Variants in RIMKLA observed in about 807,000 individuals in gnomAD.
RIMKLA encodes N-acetylaspartylglutamate synthase A.
In RIMKLA, 14 loss-of-function variants were observed where a neutral mutation model predicts 32.7. That is an observed-to-expected ratio of 0.43 (90% CI 0.28 to 0.67). RIMKLA has a LOEUF of 0.67. Ranked by LOEUF, RIMKLA falls within the 30% of genes least tolerant of loss-of-function variation. The probability of loss-of-function intolerance (pLI) is 0.18; values close to 1 mark genes in which losing one functional copy is unlikely to be tolerated. For synonymous variants in RIMKLA, 176 were observed against 204.1 expected, an observed-to-expected ratio of 0.86 and a Z score of 1.18; for missense variants, 410 against 519.0, an observed-to-expected ratio of 0.79 and a Z score of 2.04.
At chr1:42,395,642 T>C (rs1643036954) in intron 1 of RIMKLA, among the ~76,000 whole-genome samples, 1 of 152,142 alleles carries the variant, frequency 6.6e-6, no homozygotes, top group South Asian at 2.1e-4. Context: ...TGACTTGAGG[T>C]CCGTAGATTG....
Position 42,416,728 on chromosome 1 carries a change from T to C in RIMKLA, c.*1754T>C, listed in dbSNP as rs1439565307. On this transcript the variant is annotated 3_prime_UTR_variant, in exon 5 of 5. Transcript: ENST00000431473. ...CTTACTCTGCCATAAATGTAAAATG[T>C]GTATAAAGTTAAGCTATTGCATTTT... The C allele has an allele frequency of 1.3e-5, 2 of 152,242 alleles. No homozygotes were observed. The highest frequency in any genetic ancestry group is 2.4e-5 in the African/African-American group (1 of 41,460). The allele number at this position is 152,242 out of a possible 1,614,324, so 9.4% of individuals were successfully genotyped here. A position where few individuals can be genotyped will look rare whatever the true frequency, so the allele number is the denominator to read the frequency against.
intron 2 of RIMKLA, among the ~76,000 whole-genome samples, chr1:42,401,706 T>G (rs764728374): frequency 1.3e-5 from 2 of 152,038 alleles, no homozygotes; most frequent in African/African-American, 4.8e-5. Context: ...AATGGGAAGT[T>G]AGGAAATGGA....
In RIMKLA at chr1:42,404,589, G is replaced by A; in HGVS notation, c.473G>A (p.Gly158Asp). The A allele has an allele frequency of 6.2e-7, 1 of 1,610,138 alleles. No homozygotes were observed. The highest frequency in any genetic ancestry group is 1.3e-5 in the African/African-American group (1 of 74,956). The stretch of plus-strand genomic sequence containing the variant: ...CCAGTCGTGGTGAAGAGCACACGAG[G>A]CCACCGGGGTCAGTGCCACCTCTCC... Reference protein sequence around the residue: ...GYPVVVKSTRGHRGKAVFLAR... With the variant: ...GYPVVVKSTRDHRGKAVFLAR... Residue 158 changes from glycine (G) to aspartate (D), a missense_variant, in exon 3 of 5, where the codon GGC (glycine) becomes GAC (aspartate). Physicochemically the swap from Gly to Asp is moderately conservative, Grantham distance 94. Transcript: ENST00000431473.
At chr1:42,389,115 G>C (rs150087996) in intron 1 of RIMKLA, among the ~76,000 whole-genome samples, 1 of 152,304 alleles carries the variant, frequency 6.6e-6, no homozygotes, top group Non-Finnish European at 1.5e-5. Context: ...CAAAGTTTTT[G>C]GCCTGAGCAG....
At position 42,414,742 on chromosome 1, in the gene RIMKLA, C is replaced by T. The variant is rs1643230599; in HGVS notation, c.944C>T (p.Pro315Leu). ...NRQTGKMAVL[P>L]GLSSPREKNE... is the part of the protein sequence containing the mutation. ...CAGACTGGAAAGATGGCTGTCCTCC[C>T]AGGACTGTCGAGTCCAAGGGAGAAG... The change falls in exon 5 of 5, where the codon CCA becomes CTA. Residue 315 changes from proline to leucine, a missense_variant. Coordinates refer to ENST00000431473, the MANE Select transcript of RIMKLA (RefSeq NM_173642.4). 1 of 1,614,088 alleles carries T rather than the reference C, an allele frequency of 6.2e-7. No homozygotes were observed. Among genetic ancestry groups the T allele is most frequent in the Admixed American group, 1.7e-5 (1 of 60,010 alleles).
At chr1:42,399,371 G>A (rs1295627997) in intron 1 of RIMKLA, 33 bp from the exon 2 acceptor site, 4 of 1,452,546 alleles carry the variant, frequency 2.8e-6, no homozygotes, top group Non-Finnish European at 3.8e-6. Flanking sequence ...AACGATAGCA[G>A]GCACAGCACT....
chr1:42,381,153 G>C (rs1368024003), intron 1 of RIMKLA, 56 bp downstream of exon 1: 1 of 1,218,798 alleles, frequency 8.2e-7, no homozygotes, highest in African/African-American at 1.6e-5. Context: ...CACGAGAGCC[G>C]GTCGGGTGGG....
At chr1:42,394,798 G>A (rs1309899549) in intron 1 of RIMKLA, among the ~76,000 whole-genome samples, 3 of 151,548 alleles carry the variant, frequency 2.0e-5, no homozygotes, top group East Asian at 1.9e-4. Flanking sequence ...GTGCAATGAC[G>A]CGATCTCAGC....
At chr1:42,413,487 G>A (rs1295020137) in intron 4 of RIMKLA, among the ~76,000 whole-genome samples, 1 of 130,058 alleles carries the variant, frequency 7.7e-6, no homozygotes, top group Non-Finnish European at 1.6e-5. Context: ...CTAGGTGACA[G>A]AGTAAGAGTC....
chr1:42,394,237 T>G (rs1405570615), intron 1 of RIMKLA, among the ~76,000 whole-genome samples: 3 of 152,240 alleles, frequency 2.0e-5, no homozygotes, highest in African/African-American at 7.2e-5. Context: ...TCCTGCTGTT[T>G]TCTTAATTTT....
At chr1:42,382,197 AT>A (rs1642895345) in intron 1 of RIMKLA, among the ~76,000 whole-genome samples, 1 of 152,174 alleles carries the variant, frequency 6.6e-6, no homozygotes, top group African/African-American at 2.4e-5. Context: ...TTAATATCAG[AT>A]TGTATATCCT....
intron 1 of RIMKLA, among the ~76,000 whole-genome samples, chr1:42,383,032 A>ATTTT (rs1349958822): frequency 3.4e-5 from 5 of 146,454 alleles, no homozygotes; most frequent in African/African-American, 1.3e-4. Flanking sequence ...TTTAATTTTT[A>ATTTT]TTTTATTTAT....
At chr1:42,398,045 G>A (rs987636304) in intron 1 of RIMKLA, among the ~76,000 whole-genome samples, 1 of 152,146 alleles carries the variant, frequency 6.6e-6, no homozygotes, top group African/African-American at 2.4e-5. Flanking sequence ...GAGTGGAAAA[G>A]TATCCATTTT....
chr1:42,385,895 T>TTTCTTTCTTTCC (rs1557750118), intron 1 of RIMKLA, among the ~76,000 whole-genome samples: 1 of 93,942 alleles, frequency 1.1e-5, no homozygotes, highest in African/African-American at 3.8e-5. Context: ...TCTTTCTTTC[T>TTTCTTTCTTTCC]TTCCTTCTTT....
chr1:42,395,829 A>C (rs1197994730), intron 1 of RIMKLA, among the ~76,000 whole-genome samples: 2 of 152,162 alleles, frequency 1.3e-5, no homozygotes, highest in African/African-American at 4.8e-5. Context: ...GGCTGTGTAT[A>C]ACTGTTGCTC....
intron 1 of RIMKLA, among the ~76,000 whole-genome samples, chr1:42,381,532 G>C (rs1480127217): frequency 6.6e-6 from 1 of 152,188 alleles, no homozygotes; most frequent in Non-Finnish European, 1.5e-5. Context: ...TTTTGGGAGT[G>C]TGTGAGCATC....
At position 42,385,860 on chromosome 1, in the gene RIMKLA, T is replaced by C. The variant is rs1055044643; in HGVS notation, c.163+4763T>C. On this transcript the variant is annotated intron_variant, in intron 1 of 4. Coordinates refer to ENST00000431473, the MANE Select transcript of RIMKLA (RefSeq NM_173642.4). ...TCTTTCTTTCTCTTTCTTTCTTTCT[T>C]TCTTTCTTTCTTTCTTTCTTTCTTT... 4.3e-3 allele frequency among the ~76,000 whole-genome samples: 305 copies of C among 70,128 alleles called. 56 individuals carry two copies. The highest frequency in any genetic ancestry group is 6.2e-3 in the Non-Finnish European group (205 of 32,826). The allele number at this position is 70,128 out of a possible 152,430, so 46.0% of individuals were successfully genotyped here.
chr1:42,410,297 G>C, intron 4 of RIMKLA, 110 bp downstream of exon 4: 1 of 868,552 alleles, frequency 1.2e-6, no homozygotes, highest in East Asian at 2.6e-5. Context: ...GGATCTCACA[G>C]ATGAGAATGA....
Position 42,387,585 on chromosome 1 carries a change from T to C in RIMKLA, c.163+6488T>C, listed in dbSNP as rs559655995. 6.6e-5 allele frequency among the ~76,000 whole-genome samples: 10 copies of C among 152,340 alleles called. No homozygotes were observed. The South Asian group carries it at 1.9e-3, about 28-fold the overall frequency. ...TCATTTATTTCATTTAATAAATATT[T>C]ATTGAATGCCCACTCTGTGCCAGGC... On this transcript the variant is annotated intron_variant, in intron 1 of 4. Transcript: ENST00000431473.
Sources: allele counts gnomAD v4.1 joint callset (sites outside exome capture counted in the v4.1 genomes callset), GRCh38; gene constraint gnomAD v4.1.1; transcripts MANE v1.5; gene names NCBI Gene and HGNC (gene_info 2026-07-23, HGNC 2026-07-21).